GRIK4: variants seen among roughly 807,000 people sequenced by gnomAD.
The protein encoded by GRIK4 is glutamate receptor ionotropic, kainate 4.
A neutral mutation model predicts 104.9 loss-of-function variants in GRIK4; 40 were observed. That is an observed-to-expected ratio of 0.38 (90% CI 0.30 to 0.50). The LOEUF (loss-of-function observed/expected upper bound fraction) is 0.50, where lower values mean the gene tolerates loss of function less well. Among genes scored for constraint, GRIK4 ranks in the 20% least tolerant of loss-of-function variants. GRIK4 has a pLI of 0.93. For synonymous variants in GRIK4, 485 were observed against 524.9 expected, an observed-to-expected ratio of 0.92 and a Z score of 1.04; for missense variants, 1,047 against 1,308.1, an observed-to-expected ratio of 0.80 and a Z score of 3.08.
At chr11:120,772,042 A>C (rs1951952967) in intron 3 of GRIK4, among the ~76,000 whole-genome samples, 1 of 152,184 alleles carries the variant, frequency 6.6e-6, no homozygotes, top group Admixed American at 6.5e-5. Flanking sequence ...GTACCCAAAA[A>C]AGCCAAAAGG....
intron 3 of GRIK4, among the ~76,000 whole-genome samples, chr11:120,760,532 G>T (rs1047977327): frequency 5.3e-5 from 8 of 151,642 alleles, no homozygotes; most frequent in African/African-American, 1.9e-4. Flanking sequence ...GTGCCATGGT[G>T]GTTTGCTGCA....
intron 13 of GRIK4, among the ~76,000 whole-genome samples, chr11:120,922,483 G>T (rs1184397503): frequency 3.9e-5 from 6 of 152,206 alleles, no homozygotes; most frequent in Admixed American, 3.9e-4. Flanking sequence ...CTGCTTCAAA[G>T]AATTCCAAAT....
chr11:120,618,779 G>GT (rs1565576239), intron 1 of GRIK4, among the ~76,000 whole-genome samples: 1 of 152,252 alleles, frequency 6.6e-6, no homozygotes, highest in African/African-American at 2.4e-5. Context: ...AAGCTGGCAG[G>GT]TGCACAGAGT....
chr11:120,915,546 G>A (rs931832152), intron 13 of GRIK4, among the ~76,000 whole-genome samples: 10 of 152,126 alleles, frequency 6.6e-5, no homozygotes, highest in Admixed American at 4.6e-4. Flanking sequence ...CTCTGGAGCC[G>A]CAGCTGCCAA....
intron 13 of GRIK4, among the ~76,000 whole-genome samples, chr11:120,932,618 T>C (rs1943506150): frequency 6.6e-6 from 1 of 152,234 alleles, no homozygotes; most frequent in Non-Finnish European, 1.5e-5. Flanking sequence ...CAGAGACAAT[T>C]ACCTTGGAAT....
chr11:120,756,367 G>A (rs1490047299), intron 3 of GRIK4, among the ~76,000 whole-genome samples: 1 of 152,092 alleles, frequency 6.6e-6, no homozygotes, highest in Non-Finnish European at 1.5e-5. Context: ...GACCCTTAAG[G>A]CCTCTGTGGT....
At chr11:120,805,704 A>C (rs2135517313) in intron 4 of GRIK4, among the ~76,000 whole-genome samples, 1 of 152,314 alleles carries the variant, frequency 6.6e-6, no homozygotes, top group East Asian at 1.9e-4. Flanking sequence ...AACACTACCC[A>C]GGTAAAGTTC....
chr11:120,573,168 T>G (rs914239903), intron 1 of GRIK4, among the ~76,000 whole-genome samples: 10 of 152,164 alleles, frequency 6.6e-5, no homozygotes, highest in African/African-American at 2.4e-4. Flanking sequence ...ACTGCTTGGG[T>G]TGAAGGACAA....
At chr11:120,930,549 A>G (rs1349679242) in intron 13 of GRIK4, among the ~76,000 whole-genome samples, 1 of 152,202 alleles carries the variant, frequency 6.6e-6, no homozygotes, top group African/African-American at 2.4e-5. Context: ...GTGTGAGTCC[A>G]GGCATCCTGT....
At chr11:120,821,515 G>A (rs1953126630) in intron 6 of GRIK4, among the ~76,000 whole-genome samples, 1 of 152,166 alleles carries the variant, frequency 6.6e-6, no homozygotes, top group Admixed American at 6.5e-5. Flanking sequence ...TGTCATCTGC[G>A]AGCCCTTGAA....
rs1345857563 is a variant in GRIK4 at position 120,850,250 on chromosome 11, A to G, written c.745-11709A>G. The stretch of plus-strand genomic sequence containing the variant: ...CTCCTTCTTTGAAGGCAACTGCGTC[A>G]TATAGCGTAACCTAATTGAGAGGTA... On this transcript the variant is annotated intron_variant, in intron 8 of 20. Transcript: ENST00000527524. Among the ~76,000 whole-genome samples, 4 of 152,224 alleles carry G rather than the reference A, an allele frequency of 2.6e-5. No individual in the cohort carries two copies. The East Asian group carries it at 7.7e-4, about 29-fold the overall frequency.
intron 1 of GRIK4, among the ~76,000 whole-genome samples, chr11:120,546,225 T>C (rs1007063151): frequency 6.6e-6 from 1 of 152,320 alleles, no homozygotes; most frequent in African/African-American, 2.4e-5. Context: ...TTGGTGCTGC[T>C]GTTCCTGTTG....
intron 1 of GRIK4, among the ~76,000 whole-genome samples, chr11:120,623,323 G>A (rs550806622): frequency 6.6e-6 from 1 of 152,052 alleles, no homozygotes; most frequent in Admixed American, 6.5e-5. Flanking sequence ...GTAGAGTATG[G>A]GGTCTTGTTA....
In GRIK4 at chr11:120,905,349, C is replaced by T. The variant is rs758585607; in HGVS notation, c.1332C>T (p.Tyr444=). Residue 444 remains tyrosine, a synonymous_variant, in exon 13 of 21, where the codon TAC becomes TAT. Transcript: ENST00000527524. The surrounding 1 kb of genome is among the most constrained non-coding windows in gnomAD (Gnocchi z 5.1). ...NHQEMEGNDR[Y]EGFCVDMLKE... ...AGGAGATGGAAGGCAATGACCGCTA[C>T]GAGGGCTTCTGTGTGGACATGCTCA... 2.4e-5 allele frequency: 38 copies of T among 1,613,922 alleles called. No homozygotes were observed. Among genetic ancestry groups the T allele is most frequent in the Admixed American group, 6.7e-5 (4 of 59,998 alleles).
intron 3 of GRIK4, among the ~76,000 whole-genome samples, chr11:120,736,881 A>G (rs1246345080): frequency 6.6e-6 from 1 of 151,978 alleles, no homozygotes; most frequent in Non-Finnish European, 1.5e-5. Context: ...GTGATATACC[A>G]TTTCCCATTG....
At chr11:120,979,171 G>A (rs1030213765) in intron 19 of GRIK4, among the ~76,000 whole-genome samples, 5 of 152,132 alleles carry the variant, frequency 3.3e-5, no homozygotes, top group Non-Finnish European at 7.4e-5. Context: ...ATGCAAAAAG[G>A]AAACTGCAAA....
intron 4 of GRIK4, among the ~76,000 whole-genome samples, chr11:120,810,230 G>A (rs1952802886): frequency 6.6e-6 from 1 of 152,214 alleles, no homozygotes. Context: ...GCCAACAACT[G>A]AGTTTGATGA....
Position 120,805,342 on chromosome 11 carries a change from G to A in GRIK4, c.247+2485G>A, listed in dbSNP as rs1215638885. ...CAGGGCTTCTCTGGCAGAAATGAGG[G>A]AGCCAAGATTTGCCCGTCATGGATG... On this transcript the variant is annotated intron_variant, in intron 4 of 20. Transcript: ENST00000527524. Among the ~76,000 whole-genome samples the A allele has an allele frequency of 2.6e-5, 4 of 152,226 alleles. No homozygotes were observed. The East Asian group carries it at 5.8e-4, about 22-fold the overall frequency.
chr11:120,812,501 A>G (rs917929558), intron 4 of GRIK4, among the ~76,000 whole-genome samples: 6 of 152,240 alleles, frequency 3.9e-5, no homozygotes, highest in African/African-American at 1.2e-4. Context: ...GGTGGGGATA[A>G]TAATAAAAGG....
Sources: gnomAD v4.1 joint callset for allele counts (sites outside exome capture counted in the v4.1 genomes callset) on GRCh38, gnomAD v4.1.1 for gene constraint, Gnocchi (gnomAD v3.1) non-coding constraint, MANE v1.5 for transcripts, NCBI Gene and HGNC (gene_info 2026-07-23, HGNC 2026-07-21) for gene names.